The following NOTCH2NLC variants were observed in gnomAD, a reference collection of about 807,000 sequenced individuals.
The protein encoded by NOTCH2NLC is notch homolog 2 N-terminal-like protein C.
NOTCH2NLC carries 4 observed loss-of-function variants against 17.7 expected under a neutral mutation model. That is an observed-to-expected ratio of 0.23 (90% CI 0.11 to 0.52). The LOEUF is 0.52. NOTCH2NLC is among the 20% of genes least tolerant of loss of function. The pLI is 0.96. For synonymous variants in NOTCH2NLC, 18 were observed against 86.0 expected, an observed-to-expected ratio of 0.21 and a Z score of 4.38; for missense variants, 57 against 207.2, an observed-to-expected ratio of 0.28 and a Z score of 4.45.
chr1:149,429,795 A>G (rs1424297436), intron 1 of NOTCH2NLC, among the ~76,000 whole-genome samples: 5 of 150,694 alleles, frequency 3.3e-5, no homozygotes, highest in Non-Finnish European at 5.9e-5. Context: ...TGCACAATTT[A>G]TGCATAGAGT....
At position 149,438,898 on chromosome 1, in the gene NOTCH2NLC, A is replaced by G. The variant is rs1465124719; in HGVS notation, c.209+7883A>G. Among the ~76,000 whole-genome samples the G allele has an allele frequency of 4.2e-5, 6 of 143,992 alleles. 1 individual carries two copies. The highest frequency in any genetic ancestry group is 9.1e-5 in the Non-Finnish European group (6 of 66,048). The allele number at this position is 143,992 out of a possible 152,430, so 94.5% of individuals were successfully genotyped here. On this transcript the variant is annotated intron_variant, in intron 2 of 4. Coordinates refer to ENST00000650865, the MANE Select transcript of NOTCH2NLC (RefSeq NM_001364013.2). ...CAGTCTCCCATTTTTAAAACTTTTT[A>G]TAGAGATACGGTCTCACATGTTGCT...
chr1:149,412,770 G>A (rs2084306424), intron 1 of NOTCH2NLC, among the ~76,000 whole-genome samples: 1 of 108,362 alleles, frequency 9.2e-6, no homozygotes, highest in African/African-American at 3.5e-5. Context: ...CTGAGATCAC[G>A]CCATTGCACT....
chr1:149,432,449 A>T (rs1241004555), intron 2 of NOTCH2NLC, among the ~76,000 whole-genome samples: 3 of 151,054 alleles, frequency 2.0e-5, no homozygotes, highest in African/African-American at 7.3e-5. Flanking sequence ...CTGCTCATTT[A>T]GTTTTTCTAG....
At chr1:149,420,092 G>A (rs1220511144) in intron 1 of NOTCH2NLC, among the ~76,000 whole-genome samples, 5 of 149,666 alleles carry the variant, frequency 3.3e-5, no homozygotes, top group East Asian at 2.0e-4. Flanking sequence ...GGATGGTGTC[G>A]ATCTCCTGAC....
At chr1:149,417,149 G>A (rs1337541570) in intron 1 of NOTCH2NLC, among the ~76,000 whole-genome samples, 44 of 106,702 alleles carry the variant, frequency 4.1e-4, no homozygotes, top group African/African-American at 1.3e-3. Context: ...TCGCTCTTTC[G>A]CCCAGGCTGG....
chr1:149,451,318 G>C (rs1410800956), intron 2 of NOTCH2NLC, among the ~76,000 whole-genome samples: 13 of 149,524 alleles, frequency 8.7e-5, no homozygotes, highest in Non-Finnish European at 1.5e-4. Flanking sequence ...TAGAATTAAA[G>C]TTTTGTTGCA....
intron 3 of NOTCH2NLC, among the ~76,000 whole-genome samples, chr1:149,460,853 CCCTTTCTTTCTTTCTTTCTTTCTT>C (rs1301321616): frequency 1.9e-5 from 2 of 107,514 alleles, no homozygotes; most frequent in African/African-American, 3.4e-5. Context: ...CTTTCTTTCT[CCCTTTCTTTCTTTCTTTCTTTCTT>C]TCTTTCTTTC....
At chr1:149,443,712 A>G (rs2084533768) in intron 2 of NOTCH2NLC, among the ~76,000 whole-genome samples, 1 of 145,674 alleles carries the variant, frequency 6.9e-6, no homozygotes, top group African/African-American at 2.5e-5. Flanking sequence ...AGGAGCTGAA[A>G]GGCGTTTAGC....
At position 149,418,915 on chromosome 1, in the gene NOTCH2NLC, A is replaced by G. The variant is rs1173390370; in HGVS notation, c.136-12027A>G. 1.2e-4 allele frequency among the ~76,000 whole-genome samples: 18 copies of G among 150,966 alleles called. No homozygotes were observed. In the East Asian group the frequency reaches 2.6e-3, roughly 21 times the overall value. On this transcript the variant is annotated intron_variant, in intron 1 of 4. Coordinates refer to ENST00000650865, the MANE Select transcript of NOTCH2NLC (RefSeq NM_001364013.2). ...GGAAGGTAGGCCAGGGCATCTGCTCATTCGCTCGCTCGCTTGCTCTTTCTC... is the reference window on the plus strand; with the variant it reads ...GGAAGGTAGGCCAGGGCATCTGCTCGTTCGCTCGCTCGCTTGCTCTTTCTC...
At chr1:149,435,454 C>A (rs1426832842) in intron 2 of NOTCH2NLC, among the ~76,000 whole-genome samples, 2 of 148,552 alleles carry the variant, frequency 1.3e-5, no homozygotes, top group Admixed American at 6.8e-5. Flanking sequence ...TCTGTTCTGC[C>A]CTTAGTCCGA....
chr1:149,404,430 G>C (rs1395850956), intron 1 of NOTCH2NLC, among the ~76,000 whole-genome samples: 1 of 151,468 alleles, frequency 6.6e-6, no homozygotes, highest in Non-Finnish European at 1.5e-5. Flanking sequence ...GAAGCAAAGT[G>C]ACTGGCCCAA....
Position 149,423,386 on chromosome 1 carries a change from C to G in NOTCH2NLC, c.136-7556C>G, listed in dbSNP as rs1277382129. 2.8e-3 allele frequency among the ~76,000 whole-genome samples: 416 copies of G among 151,140 alleles called. 7 individuals are homozygous for G. The highest frequency in any genetic ancestry group is 9.8e-3 in the African/African-American group (404 of 41,180). ...GTTTGTTTGGATTTTTTTTTCATGG[C>G]TTGGTCCCAAAAAATGGAATACAAA... On this transcript the variant is annotated intron_variant, in intron 1 of 4. Coordinates refer to ENST00000650865, the MANE Select transcript of NOTCH2NLC (RefSeq NM_001364013.2).
intron 3 of NOTCH2NLC, among the ~76,000 whole-genome samples, chr1:149,462,366 A>G (rs2101513717): frequency 7.6e-6 from 1 of 131,400 alleles, no homozygotes; most frequent in Non-Finnish European, 1.6e-5. Flanking sequence ...TTCCTACTTG[A>G]GAAAGTCCAC....
rs1371363036 is a variant in NOTCH2NLC at position 149,398,025 on chromosome 1, T to C, written c.135+7103T>C. Among the ~76,000 whole-genome samples the C allele has an allele frequency of 2.0e-5, 3 of 147,670 alleles. 1 individual carries two copies. The highest frequency in any genetic ancestry group is 6.7e-5 in the Admixed American group (1 of 14,882). ...ACAGATAAGCACACAATTAGGAATATGAAATACAGTTATTTTATCATTTAT... is the reference window on the plus strand; with the variant it reads ...ACAGATAAGCACACAATTAGGAATACGAAATACAGTTATTTTATCATTTAT... On this transcript the variant is annotated intron_variant, in intron 1 of 4. Coordinates refer to ENST00000650865, the MANE Select transcript of NOTCH2NLC (RefSeq NM_001364013.2).
intron 1 of NOTCH2NLC, among the ~76,000 whole-genome samples, chr1:149,413,151 A>T (rs2101473659): frequency 6.6e-6 from 1 of 150,476 alleles, no homozygotes; most frequent in African/African-American, 2.4e-5. Flanking sequence ...CAAATGATCC[A>T]CCTGCCTCAG....
chr1:149,453,447 AC>A (rs2084599654), intron 2 of NOTCH2NLC, among the ~76,000 whole-genome samples: 1 of 148,590 alleles, frequency 6.7e-6, no homozygotes, highest in African/African-American at 2.4e-5. Context: ...GATGGTCCTC[AC>A]ACCTCAGCCT....
At chr1:149,416,086 G>A (rs1218844594) in intron 1 of NOTCH2NLC, among the ~76,000 whole-genome samples, 1 of 136,782 alleles carries the variant, frequency 7.3e-6, no homozygotes, top group Non-Finnish European at 1.6e-5. Context: ...CATGGAATAA[G>A]GTGGCATTTT....
chr1:149,454,759 C>T (rs1428994961), intron 2 of NOTCH2NLC, among the ~76,000 whole-genome samples: 1 of 150,494 alleles, frequency 6.6e-6, no homozygotes, highest in Non-Finnish European at 1.5e-5. Flanking sequence ...AACTAGGTAT[C>T]AGCCAATTGA....
intron 2 of NOTCH2NLC, among the ~76,000 whole-genome samples, chr1:149,446,408 C>A (rs1452417779): frequency 3.1e-5 from 4 of 128,498 alleles, no homozygotes; most frequent in African/African-American, 8.8e-5. Flanking sequence ...TCTCTGTTTT[C>A]TTCCTTCCTT....
Sources: gnomAD v4.1 joint callset for allele counts (sites outside exome capture counted in the v4.1 genomes callset) on GRCh38, gnomAD v4.1.1 for gene constraint, MANE v1.5 for transcripts, NCBI Gene and HGNC (gene_info 2026-07-23, HGNC 2026-07-21) for gene names.